Variants in KCNT2 observed in about 807,000 individuals in gnomAD.
The protein encoded by KCNT2 is potassium sodium-activated channel subfamily T member 2, also known as potassium channel subfamily T member 2.
KCNT2 carries 67 observed loss-of-function variants against 153.8 expected under a neutral mutation model. The observed-to-expected ratio is 0.44, with a 90% confidence interval of 0.36 to 0.53. The LOEUF (loss-of-function observed/expected upper bound fraction) is 0.53. KCNT2 is among the 20% of genes least tolerant of loss of function. KCNT2 has a pLI of 0.00. For synonymous variants in KCNT2, 500 were observed against 458.8 expected, an observed-to-expected ratio of 1.09 and a Z score of -1.15; for missense variants, 975 against 1,354.8, an observed-to-expected ratio of 0.72 and a Z score of 4.40.
chr1:196,559,804 T>C (rs1302365516), intron 1 of KCNT2, among the ~76,000 whole-genome samples: 2 of 151,838 alleles, frequency 1.3e-5, no homozygotes, highest in African/African-American at 4.8e-5. Context: ...AAATATTCTC[T>C]GAATTTTTTT....
chr1:196,526,683 C>A (rs927686475), intron 1 of KCNT2, among the ~76,000 whole-genome samples: 1 of 152,102 alleles, frequency 6.6e-6, no homozygotes, highest in Admixed American at 6.6e-5. Flanking sequence ...AATCTCCTCA[C>A]CTCGTGATCT....
chr1:196,530,800 T>C (rs974055672), intron 1 of KCNT2, among the ~76,000 whole-genome samples: 11 of 152,118 alleles, frequency 7.2e-5, no homozygotes, highest in Non-Finnish European at 1.5e-5. Context: ...CCTAAAATGT[T>C]TATCCCTTCA....
chr1:196,387,821 A>T (rs2148398826), intron 13 of KCNT2, among the ~76,000 whole-genome samples: 1 of 151,958 alleles, frequency 6.6e-6, no homozygotes, highest in South Asian at 2.1e-4. Flanking sequence ...TTCAAACTTT[A>T]ATCAGATATA....
At chr1:196,232,419 T>A (rs955198329) in intron 27 of KCNT2, among the ~76,000 whole-genome samples, 3 of 151,736 alleles carry the variant, frequency 2.0e-5, no homozygotes, top group African/African-American at 7.2e-5. Context: ...CCTATTATTG[T>A]CACTACAAAA....
intron 8 of KCNT2, among the ~76,000 whole-genome samples, chr1:196,436,322 C>G (rs1674650937): frequency 6.6e-6 from 1 of 151,464 alleles, no homozygotes; most frequent in Non-Finnish European, 1.5e-5. Context: ...TATAAACTAT[C>G]TCTTCAAAAA....
At chr1:196,427,705 A>G (rs1436395674) in intron 10 of KCNT2, among the ~76,000 whole-genome samples, 8 of 152,122 alleles carry the variant, frequency 5.3e-5, no homozygotes, top group African/African-American at 1.9e-4. Flanking sequence ...CCTTGATAAA[A>G]TTCTGCAGTA....
chr1:196,287,532 C>G (rs563392500), intron 22 of KCNT2, among the ~76,000 whole-genome samples: 13 of 152,128 alleles, frequency 8.5e-5, no homozygotes, highest in Middle Eastern at 3.4e-3. Context: ...AAATACAGAA[C>G]AGTTTTTTAA....
Position 196,522,347 on chromosome 1 carries a change from A to G in KCNT2, c.96-30006T>C, listed in dbSNP as rs76353591. 3.3e-5 allele frequency among the ~76,000 whole-genome samples: 5 copies of G among 152,350 alleles called. No individual in the cohort carries two copies. In the East Asian group the frequency reaches 7.7e-4, roughly 23 times the overall value. On this transcript the variant is annotated intron_variant, in intron 1 of 27. Transcript: ENST00000294725. ...GGAAGATAATACATATGTGAAAAGTATTACTACTAGAGGTACCAGCAGTTT... is the reference window on the plus strand; with the variant it reads ...GGAAGATAATACATATGTGAAAAGTGTTACTACTAGAGGTACCAGCAGTTT...
chr1:196,518,249 T>C (rs115572710), intron 1 of KCNT2, among the ~76,000 whole-genome samples: 3 of 152,252 alleles, frequency 2.0e-5, no homozygotes, highest in Admixed American at 6.5e-5. Flanking sequence ...CACCTTAGAA[T>C]AGACATCGAA....
chr1:196,327,858 G>A (rs4622047), intron 18 of KCNT2, among the ~76,000 whole-genome samples: 3,215 of 151,612 alleles, frequency 0.021, 102 homozygotes, highest in African/African-American at 0.074. Flanking sequence ...TGTAGATACG[G>A]GGTCCTGGGC....
chr1:196,436,617 A>G (rs1674681927), intron 8 of KCNT2, among the ~76,000 whole-genome samples: 1 of 151,346 alleles, frequency 6.6e-6, no homozygotes, highest in Non-Finnish European at 1.5e-5. Flanking sequence ...TCATTCACAC[A>G]TGTCTTTGGA....
At chr1:196,460,197 C>T (rs1272212754) in intron 8 of KCNT2, among the ~76,000 whole-genome samples, 1 of 151,520 alleles carries the variant, frequency 6.6e-6, no homozygotes, top group East Asian at 1.9e-4. Flanking sequence ...AAAATTATAT[C>T]CAAGGGTATT....
intron 8 of KCNT2, among the ~76,000 whole-genome samples, chr1:196,448,032 T>C (rs1048420151): frequency 6.6e-6 from 1 of 151,622 alleles, no homozygotes; most frequent in Non-Finnish European, 1.5e-5. Context: ...TAGGATAAAG[T>C]TGAATCTTGG....
chr1:196,393,501 G>A (rs1050497166), intron 13 of KCNT2, among the ~76,000 whole-genome samples: 3 of 151,520 alleles, frequency 2.0e-5, no homozygotes, highest in South Asian at 4.1e-4. Context: ...ACTGGAGAGC[G>A]CAGTTTATTT....
At chr1:196,362,578 T>C (rs1667724602) in intron 14 of KCNT2, among the ~76,000 whole-genome samples, 1 of 152,142 alleles carries the variant, frequency 6.6e-6, no homozygotes, top group Non-Finnish European at 1.5e-5. Context: ...TGACATTTGC[T>C]GGCCTTTCTT....
At chr1:196,249,961 T>G (rs1274800118) in intron 26 of KCNT2, among the ~76,000 whole-genome samples, 5 of 151,996 alleles carry the variant, frequency 3.3e-5, no homozygotes, top group Non-Finnish European at 5.9e-5. Flanking sequence ...ACAAAAAAAT[T>G]TGAATGATAT....
intron 27 of KCNT2, among the ~76,000 whole-genome samples, chr1:196,235,215 C>A (rs1417980810): frequency 6.6e-6 from 1 of 151,422 alleles, no homozygotes; most frequent in South Asian, 2.1e-4. Flanking sequence ...ACACTTTATG[C>A]AATTCCTGCA....
chr1:196,403,046 C>T (rs894817726), intron 12 of KCNT2, among the ~76,000 whole-genome samples: 3 of 151,646 alleles, frequency 2.0e-5, no homozygotes, highest in African/African-American at 7.2e-5. Flanking sequence ...ACCAAATAAT[C>T]CAGCAATTGG....
rs373823196 is a variant in KCNT2, at chr1:196,327,332, C to CA, written c.2104-444dup. Reference sequence around the variant, plus strand: ...AACAGTGAAAAAAAAAACCAAAAAACAAAAAACCCCTAACTGTCTACATGC... The same window carrying CA: ...AACAGTGAAAAAAAAAACCAAAAAACAAAAAAACCCCTAACTGTCTACATGC... On this transcript the variant is annotated intron_variant, in intron 18 of 27. Transcript: ENST00000294725. Among the ~76,000 whole-genome samples, 181 of 149,214 alleles carry CA rather than the reference C, an allele frequency of 1.2e-3. 1 individual carries two copies. The highest frequency in any genetic ancestry group is 4.2e-3 in the African/African-American group (171 of 40,684).
Sources: gnomAD v4.1 joint callset for allele counts (sites outside exome capture counted in the v4.1 genomes callset) on GRCh38, gnomAD v4.1.1 for gene constraint, MANE v1.5 for transcripts, NCBI Gene and HGNC (gene_info 2026-07-23, HGNC 2026-07-21) for gene names.